The following PLCL1 variants were observed in gnomAD, a reference collection of about 807,000 sequenced individuals.
PLCL1 encodes the protein phospholipase C like 1 (inactive).
A neutral mutation model predicts 84.4 loss-of-function variants in PLCL1; 41 were observed. The ratio of observed to expected loss-of-function variants is 0.49; its 90% confidence interval spans 0.38 to 0.63. The LOEUF (loss-of-function observed/expected upper bound fraction) is 0.63. Among genes scored for constraint, PLCL1 ranks in the 30% least tolerant of loss-of-function variants. The probability of loss-of-function intolerance (pLI) is 0.00; values close to 1 mark genes in which losing one functional copy is unlikely to be tolerated. For synonymous variants in PLCL1, 490 were observed against 488.3 expected, an observed-to-expected ratio of 1.00 and a Z score of -0.05; for missense variants, 1,206 against 1,367.8, an observed-to-expected ratio of 0.88 and a Z score of 1.87.
intron 1 of PLCL1, among the ~76,000 whole-genome samples, chr2:197,893,240 CTT>C (rs1559037435): frequency 6.6e-6 from 1 of 152,114 alleles, no homozygotes; most frequent in Non-Finnish European, 1.5e-5. Context: ...TATACTGTCT[CTT>C]ATTAGATTTG....
intron 1 of PLCL1, among the ~76,000 whole-genome samples, chr2:197,991,315 C>T (rs1023327507): frequency 6.6e-6 from 1 of 152,180 alleles, no homozygotes; most frequent in African/African-American, 2.4e-5. Context: ...ATACCACTGG[C>T]TTTCCTGGGA....
intron 1 of PLCL1, among the ~76,000 whole-genome samples, chr2:197,943,627 CTTTT>C (rs5837573): frequency 8.4e-6 from 1 of 119,208 alleles, no homozygotes; most frequent in African/African-American, 3.2e-5. Context: ...TTGGTTACAT[CTTTT>C]TTTTTTTTTT....
chr2:197,883,420 T>C lies in PLCL1; in HGVS notation c.240+78081T>C, dbSNP rs1433671036. On this transcript the variant is annotated intron_variant, in intron 1 of 5. Transcript: ENST00000428675. ...GTATTTGTTTCTCTGCCTCGTGGGA[T>C]AATAATCATCAATAAACTGTGAAAT... Among the ~76,000 whole-genome samples the C allele has an allele frequency of 1.1e-4, 17 of 152,332 alleles. No individual in the cohort carries two copies. In the East Asian group the frequency reaches 2.7e-3, roughly 24 times the overall value.
chr2:198,088,534 C>T (rs922567951), intron 2 of PLCL1, among the ~76,000 whole-genome samples: 2 of 152,164 alleles, frequency 1.3e-5, no homozygotes, highest in Non-Finnish European at 2.9e-5. Flanking sequence ...AAGTGAAATG[C>T]ACTCCAGTGT....
At chr2:197,896,424 A>C (rs1688133399) in intron 1 of PLCL1, among the ~76,000 whole-genome samples, 1 of 151,912 alleles carries the variant, frequency 6.6e-6, no homozygotes, top group Non-Finnish European at 1.5e-5. Flanking sequence ...TTCTCAACTC[A>C]TGGTTTCCCT....
intron 1 of PLCL1, among the ~76,000 whole-genome samples, chr2:197,807,246 TGTTAAC>T (rs1690504624): frequency 6.6e-6 from 1 of 152,258 alleles, no homozygotes; most frequent in Admixed American, 6.5e-5. Flanking sequence ...CCCTCATAGA[TGTTAAC>T]ACTTTCTTAT....
At chr2:197,889,778 T>A (rs1687982487) in intron 1 of PLCL1, among the ~76,000 whole-genome samples, 1 of 152,192 alleles carries the variant, frequency 6.6e-6, no homozygotes, top group African/African-American at 2.4e-5. Flanking sequence ...AGGAAATAAA[T>A]ACCAATAAAT....
chr2:198,066,601 T>A (rs1436523346), intron 1 of PLCL1, among the ~76,000 whole-genome samples: 1 of 152,226 alleles, frequency 6.6e-6, no homozygotes. Flanking sequence ...TTTTTTCTTT[T>A]GAAAATGTAA....
chr2:197,903,496 T>G (rs1688311265), intron 1 of PLCL1, among the ~76,000 whole-genome samples: 2 of 133,076 alleles, frequency 1.5e-5, no homozygotes, highest in South Asian at 5.2e-4. Flanking sequence ...TTTTTTTTTT[T>G]TTTTTGAGAC....
At chr2:198,120,266 A>G (rs1196021978) in intron 5 of PLCL1, among the ~76,000 whole-genome samples, 2 of 152,034 alleles carry the variant, frequency 1.3e-5, no homozygotes, top group South Asian at 2.1e-4. Context: ...CATAATAATC[A>G]CATCATGGAA....
chr2:198,010,487 T>G (rs760699694), intron 1 of PLCL1, among the ~76,000 whole-genome samples: 1 of 152,006 alleles, frequency 6.6e-6, no homozygotes, highest in Non-Finnish European at 1.5e-5. Flanking sequence ...TATTTTGAAC[T>G]ATTCTTTCAT....
At chr2:197,894,583 A>G (rs892914033) in intron 1 of PLCL1, among the ~76,000 whole-genome samples, 8 of 151,936 alleles carry the variant, frequency 5.3e-5, no homozygotes, top group African/African-American at 1.7e-4. Context: ...TGTTTATTTT[A>G]TGCATGCATG....
chr2:198,024,762 C>CAAAA (rs74507483), intron 1 of PLCL1, among the ~76,000 whole-genome samples: 24,703 of 138,788 alleles, frequency 0.18, 2,085 homozygotes, highest in East Asian at 0.25. Flanking sequence ...AAATCTATCT[C>CAAAA]AAAAAAAAAA....
chr2:197,837,754 G>A (rs1465119052), intron 1 of PLCL1, among the ~76,000 whole-genome samples: 1 of 152,126 alleles, frequency 6.6e-6, no homozygotes, highest in African/African-American at 2.4e-5. Context: ...AAAATTTTGG[G>A]ATTTTATTAC....
At chr2:197,959,073 T>C (rs1689554249) in intron 1 of PLCL1, among the ~76,000 whole-genome samples, 1 of 152,044 alleles carries the variant, frequency 6.6e-6, no homozygotes, top group Admixed American at 6.6e-5. Flanking sequence ...AAAATTTTTG[T>C]GTGTGTGCCC....
intron 1 of PLCL1, among the ~76,000 whole-genome samples, chr2:197,973,898 G>T (rs1187652856): frequency 6.6e-6 from 1 of 152,218 alleles, no homozygotes; most frequent in Non-Finnish European, 1.5e-5. Context: ...GCTGCTAGGT[G>T]AAGAATGGAT....
At chr2:197,952,330 A>C (rs530209158) in intron 1 of PLCL1, among the ~76,000 whole-genome samples, 1 of 152,096 alleles carries the variant, frequency 6.6e-6, no homozygotes, top group Non-Finnish European at 1.5e-5. Flanking sequence ...TTAGTTCAAG[A>C]ATGTGATAAC....
intron 1 of PLCL1, among the ~76,000 whole-genome samples, chr2:197,904,963 A>C (rs1349205329): frequency 1.3e-5 from 2 of 152,226 alleles, no homozygotes; most frequent in African/African-American, 4.8e-5. Context: ...CTTGCTTTGT[A>C]GGTAGCCAAA....
intron 1 of PLCL1, among the ~76,000 whole-genome samples, chr2:197,949,557 C>A (rs1007108305): frequency 6.6e-6 from 1 of 152,114 alleles, no homozygotes; most frequent in African/African-American, 2.4e-5. Context: ...CAAAAGGAAA[C>A]CAGAGAACAA....
Sources: gnomAD v4.1 joint callset for allele counts (sites outside exome capture counted in the v4.1 genomes callset) on GRCh38, gnomAD v4.1.1 for gene constraint, MANE v1.5 for transcripts, NCBI Gene and HGNC (gene_info 2026-07-23, HGNC 2026-07-21) for gene names.